The following PCDH11Y variants were observed in gnomAD, a reference collection of about 807,000 sequenced individuals.
PCDH11Y encodes protocadherin-11 Y-linked.
For missense variants in PCDH11Y, 12 were observed against 224.8 expected (o/e 0.05, Z 6.05); for synonymous variants, 9 against 83.6 (o/e 0.11, Z 4.87).
At chrY:5,014,496 A>G in intron 1 of PCDH11Y, among the ~76,000 whole-genome samples, 10 of 32,879 alleles carry the variant, frequency 3.0e-4, no homozygotes, top group African/African-American at 1.2e-3. Flanking sequence ...ACAGTAGTCA[A>G]TAGTGGACTA....
At chrY:5,308,662 AAAC>A (rs2053093010) in intron 2 of PCDH11Y, among the ~76,000 whole-genome samples, 3 of 33,391 alleles carry the variant, frequency 9.0e-5, no homozygotes, top group Non-Finnish European at 1.5e-4. Flanking sequence ...ACTCCGTCAA[AAAC>A]AACAACAACA....
At chrY:5,414,470 T>C (rs375677713) in intron 2 of PCDH11Y, among the ~76,000 whole-genome samples, 1,081 of 32,519 alleles carry the variant, frequency 0.033, no homozygotes, top group African/African-American at 0.12. Context: ...TTGTGTGATT[T>C]TTTAAAATTT....
At chrY:5,711,367 C>A in intron 4 of PCDH11Y, among the ~76,000 whole-genome samples, 1 of 21,149 alleles carries the variant, frequency 4.7e-5, no homozygotes, top group Admixed American at 5.1e-4. Flanking sequence ...TTTATCTGAA[C>A]TACCTTTGGG....
chrY:5,461,392 GTAATT>G, intron 2 of PCDH11Y, among the ~76,000 whole-genome samples: 1 of 32,987 alleles, frequency 3.0e-5, no homozygotes, highest in East Asian at 8.0e-4. Context: ...AACTCAATAA[GTAATT>G]TAAGAAATTA....
intron 3 of PCDH11Y, among the ~76,000 whole-genome samples, chrY:5,581,383 C>A: frequency 6.0e-5 from 2 of 33,153 alleles, no homozygotes; most frequent in East Asian, 1.6e-3. Context: ...CCTTGCTCTA[C>A]ACTTATAGTA....
intron 3 of PCDH11Y, among the ~76,000 whole-genome samples, chrY:5,564,285 T>A: frequency 3.3e-5 from 1 of 30,240 alleles, no homozygotes; most frequent in African/African-American, 1.3e-4. Context: ...ATGCAGCTCA[T>A]GTAAATGTAT....
At chrY:5,367,991 T>C in intron 2 of PCDH11Y, among the ~76,000 whole-genome samples, 1 of 31,774 alleles carries the variant, frequency 3.1e-5, no homozygotes, top group East Asian at 8.9e-4. Flanking sequence ...TAGTGAGACC[T>C]CTATCTGTCT....
At chrY:5,466,852 C>T (rs1350626987) in intron 2 of PCDH11Y, among the ~76,000 whole-genome samples, 1 of 32,682 alleles carries the variant, frequency 3.1e-5, no homozygotes, top group Non-Finnish European at 7.6e-5. Context: ...TTATACTAGT[C>T]TGTAGTTAGA....
chrY:5,473,057 T>C (rs1602930450), intron 2 of PCDH11Y, among the ~76,000 whole-genome samples: 1 of 33,232 alleles, frequency 3.0e-5, no homozygotes, highest in Non-Finnish European at 7.5e-5. Context: ...TCTCAGTCCA[T>C]AGCTTTTTGA....
intron 2 of PCDH11Y, among the ~76,000 whole-genome samples, chrY:5,170,673 A>G (rs2052885610): frequency 3.2e-5 from 1 of 31,216 alleles, no homozygotes; most frequent in Non-Finnish European, 7.8e-5. Context: ...TTGAGTGTGC[A>G]AGCTAGGGGA....
intron 2 of PCDH11Y, among the ~76,000 whole-genome samples, chrY:5,388,324 C>A: frequency 3.1e-5 from 1 of 32,344 alleles, no homozygotes; most frequent in African/African-American, 1.2e-4. Flanking sequence ...CCTGGGGACC[C>A]AGAGAGCCCA....
chrY:5,628,203 A>T, intron 4 of PCDH11Y, among the ~76,000 whole-genome samples: 7 of 34,437 alleles, frequency 2.0e-4, no homozygotes, highest in African/African-American at 8.0e-4. Context: ...TCTCATAGCA[A>T]TTTCCCAGGG....
At chrY:5,695,636 T>C (rs2053571842) in intron 4 of PCDH11Y, among the ~76,000 whole-genome samples, 1 of 26,513 alleles carries the variant, frequency 3.8e-5, no homozygotes, top group Non-Finnish European at 8.7e-5. Flanking sequence ...TAACTTTTTG[T>C]GTATTCTTTG....
At chrY:5,470,809 T>C in intron 2 of PCDH11Y, among the ~76,000 whole-genome samples, 1 of 31,977 alleles carries the variant, frequency 3.1e-5, no homozygotes, top group Non-Finnish European at 7.7e-5. Context: ...TTAAACTTAT[T>C]GATCAGAAGG....
At chrY:5,521,434 G>C in intron 3 of PCDH11Y, among the ~76,000 whole-genome samples, 1 of 32,496 alleles carries the variant, frequency 3.1e-5, no homozygotes, top group African/African-American at 1.2e-4. Flanking sequence ...GCCTCACAAA[G>C]TGCTGGGATT....
chrY:5,633,861 G>A, intron 4 of PCDH11Y, among the ~76,000 whole-genome samples: 1 of 31,306 alleles, frequency 3.2e-5, no homozygotes, highest in Non-Finnish European at 7.7e-5. Context: ...TCTCCCCAAT[G>A]CACTCCAGCC....
intron 2 of PCDH11Y, among the ~76,000 whole-genome samples, chrY:5,385,053 A>C: frequency 6.8e-5 from 2 of 29,288 alleles, no homozygotes; most frequent in East Asian, 8.6e-4. Context: ...TTTATTTAAC[A>C]GGGAATGGTT....
At chrY:5,619,498 C>T (rs2053497716) in intron 4 of PCDH11Y, among the ~76,000 whole-genome samples, 1 of 33,062 alleles carries the variant, frequency 3.0e-5, no homozygotes, top group Non-Finnish European at 7.4e-5. Flanking sequence ...CAACTGATTT[C>T]TCCTACCTTT....
At chrY:5,441,081 A>G in intron 2 of PCDH11Y, among the ~76,000 whole-genome samples, 1 of 32,529 alleles carries the variant, frequency 3.1e-5, no homozygotes, top group Non-Finnish European at 7.6e-5. Flanking sequence ...TCCAATATGA[A>G]GTCTCTCATC....
Sources: gnomAD v4.1 joint callset for allele counts (sites outside exome capture counted in the v4.1 genomes callset) on GRCh38, gnomAD v4.1.1 for gene constraint, MANE v1.5 for transcripts, NCBI Gene and HGNC (gene_info 2026-07-23, HGNC 2026-07-21) for gene names.